Variants in RFC3 observed in about 807,000 individuals in gnomAD.
RFC3 encodes the protein A1 38 kDa subunit.
RFC3 carries 41 observed loss-of-function variants against 45.1 expected under a neutral mutation model. The observed-to-expected ratio is 0.91, with a 90% CI of 0.71 to 1.18. RFC3 has a LOEUF of 1.18. RFC3 is among the 50% of genes most tolerant of loss of function. RFC3 has a pLI of 0.00. For missense variants in RFC3, 423 were observed against 428.1 expected, an observed-to-expected ratio of 0.99 and a Z score of 0.10; for synonymous variants, 149 against 144.0, an observed-to-expected ratio of 1.03 and a Z score of -0.25.
At chr13:33,938,324 G>A (rs560686203) in intron 8 of RFC3, among the ~76,000 whole-genome samples, 6 of 151,766 alleles carry the variant, frequency 4.0e-5, no homozygotes, top group East Asian at 1.9e-4. Flanking sequence ...GCTCTATCCC[G>A]TTTTTAAAAA....
intron 8 of RFC3, among the ~76,000 whole-genome samples, chr13:33,913,942 T>C (rs1409397068): frequency 6.6e-6 from 1 of 152,062 alleles, no homozygotes; most frequent in Middle Eastern, 3.2e-3. Context: ...ACCATGTAAT[T>C]TTATGAAAAT....
intron 7 of RFC3, among the ~76,000 whole-genome samples, chr13:33,834,123 ACACATAGCAG>A (rs2082127860): frequency 6.7e-6 from 1 of 150,226 alleles, no homozygotes; most frequent in South Asian, 2.1e-4. Context: ...TTCAATTCTT[ACACATAGCAG>A]ATGCCCCAGA....
At chr13:33,905,472 T>C (rs1373449625) in intron 8 of RFC3, among the ~76,000 whole-genome samples, 1 of 152,008 alleles carries the variant, frequency 6.6e-6, no homozygotes, top group African/African-American at 2.4e-5. Flanking sequence ...AATCTAAGCC[T>C]GAAAGACCTC....
intron 8 of RFC3, chr13:33,850,844 CTTT>C (rs953107122): frequency 6.6e-6 from 1 of 151,896 alleles, no homozygotes; most frequent in African/African-American, 2.4e-5. Context: ...TGAGTCACAA[CTTT>C]TTTTTAATTT....
At chr13:33,838,829 G>A (rs1227640525), downstream of RFC3, among the ~76,000 whole-genome samples, 2 of 152,058 alleles carry the variant, frequency 1.3e-5, no homozygotes, top group Non-Finnish European at 2.9e-5. Flanking sequence ...GACGTTTTAG[G>A]TAAGATATTT....
chr13:33,840,692 G>GT (rs1035259423), downstream of RFC3, among the ~76,000 whole-genome samples: 40 of 114,156 alleles, frequency 3.5e-4, no homozygotes, highest in Admixed American at 5.5e-4. Context: ...TTTATACGTA[G>GT]TTTTTTTTTC....
chr13:33,950,183 C>A (rs1228646448), intron 8 of RFC3, among the ~76,000 whole-genome samples: 16 of 151,834 alleles, frequency 1.1e-4, no homozygotes, highest in Non-Finnish European at 1.5e-5. Context: ...ATTAAAAATT[C>A]ATGTACTTTG....
intron 8 of RFC3, among the ~76,000 whole-genome samples, chr13:33,955,244 T>A (rs1057283594): frequency 6.6e-6 from 1 of 152,156 alleles, no homozygotes; most frequent in African/African-American, 2.4e-5. Context: ...ATGTGTGAAA[T>A]TCTACAAACT....
Position 33,821,212 on chromosome 13 carries a change from A to G in RFC3, c.168A>G (p.Leu56=). 1 of 1,613,772 alleles carries G rather than the reference A, an allele frequency of 6.2e-7. No individual in the cohort carries two copies. The highest frequency in any genetic ancestry group is 8.5e-7 in the Non-Finnish European group (1 of 1,179,698). The change falls in exon 2 of 9, where the codon CTA becomes CTG. Residue 56 remains leucine (L), a synonymous_variant. Coordinates refer to ENST00000380071, the MANE Select transcript of RFC3 (RefSeq NM_002915.4). ...AAAAGACAAGAATTATGTGTATTCT[A>G]CGTGAACTTTATGGTGTTGGAGTGG... ...AGKKTRIMCI[L]RELYGVGVEK...
intron 8 of RFC3, among the ~76,000 whole-genome samples, chr13:33,940,559 G>A (rs886827959): frequency 6.6e-6 from 1 of 152,260 alleles, no homozygotes; most frequent in African/African-American, 2.4e-5. Flanking sequence ...TGTTCATCAT[G>A]CTGTTGTCAT....
chr13:33,924,149 CA>C (rs1435223662), intron 8 of RFC3, among the ~76,000 whole-genome samples: 4 of 152,108 alleles, frequency 2.6e-5, no homozygotes, highest in Non-Finnish European at 4.4e-5. Context: ...AAGATGCAAT[CA>C]AGTCCTCTGA....
chr13:33,831,436 A>T, intron 7 of RFC3, 82 bp downstream of exon 7: 1 of 716,508 alleles, frequency 1.4e-6, no homozygotes, highest in Non-Finnish European at 2.4e-6. Flanking sequence ...TGCTAATGTC[A>T]TTTTGAATTA....
At chr13:33,904,512 T>G (rs1398761192) in intron 8 of RFC3, among the ~76,000 whole-genome samples, 2 of 152,004 alleles carry the variant, frequency 1.3e-5, no homozygotes, top group Admixed American at 6.6e-5. Context: ...CTGTTAACTC[T>G]CTTCTAATTA....
chr13:33,832,834 C>T (rs1593618071), intron 7 of RFC3, among the ~76,000 whole-genome samples: 1 of 152,042 alleles, frequency 6.6e-6, no homozygotes, highest in African/African-American at 2.4e-5. Flanking sequence ...AAATTGATAG[C>T]AATATAACTT....
chr13:33,834,010 T>A (rs1018322069), intron 7 of RFC3, among the ~76,000 whole-genome samples: 1 of 152,144 alleles, frequency 6.6e-6, no homozygotes, highest in South Asian at 2.1e-4. Flanking sequence ...TGTTAAATCA[T>A]GCTTTGCTGT....
chr13:33,832,866 G>A lies in RFC3; in HGVS notation c.809+1512G>A, dbSNP rs1045437595. Among the ~76,000 whole-genome samples, 5 of 152,224 alleles carry A rather than the reference G, an allele frequency of 3.3e-5. No homozygotes were observed. In the South Asian group the frequency reaches 8.3e-4, roughly 25 times the overall value. ...ACTTACCTACTTTTAGGGGATTTAG[G>A]TACTTGAGGTTGTAATGTTTGATAA... is the stretch of plus-strand genomic sequence containing the variant. On this transcript the variant is annotated intron_variant, in intron 7 of 8. Coordinates refer to ENST00000380071, the MANE Select transcript of RFC3 (RefSeq NM_002915.4).
intron 8 of RFC3, among the ~76,000 whole-genome samples, chr13:33,891,499 CA>C (rs1276801917): frequency 6.6e-6 from 1 of 152,066 alleles, no homozygotes; most frequent in Non-Finnish European, 1.5e-5. Context: ...AACTTGAAGA[CA>C]AAAAGGTACT....
At chr13:33,850,267 C>G (rs542036738) in intron 8 of RFC3, 14 of 151,970 alleles carry the variant, frequency 9.2e-5, no homozygotes, top group Non-Finnish European at 1.3e-4. Flanking sequence ...TTCTAATAAC[C>G]AAACCTTTTA....
intron 8 of RFC3, among the ~76,000 whole-genome samples, chr13:33,898,099 A>C (rs2082613410): frequency 1.3e-5 from 2 of 152,038 alleles, no homozygotes; most frequent in African/African-American, 4.8e-5. Context: ...CAGATCATTC[A>C]GACAAAACGT....
Sources: gnomAD v4.1 joint callset for allele counts (sites outside exome capture counted in the v4.1 genomes callset) on GRCh38, gnomAD v4.1.1 for gene constraint, MANE v1.5 for transcripts, NCBI Gene and HGNC (gene_info 2026-07-23, HGNC 2026-07-21) for gene names.